The following TMEM132D variants were observed in gnomAD, a reference collection of about 807,000 sequenced individuals.
TMEM132D encodes the protein mature OL transmembrane protein.
Under a neutral mutation model 62.3 loss-of-function variants are expected in TMEM132D, and 21 were observed. That is an observed-to-expected ratio of 0.34 (90% CI 0.24 to 0.49). TMEM132D has a LOEUF of 0.49. TMEM132D is among the 20% of genes least tolerant of loss of function. The pLI is 0.99. For missense variants in TMEM132D, 1,346 were observed against 1,402.8 expected (o/e 0.96, Z 0.65); for synonymous variants, 621 against 575.6 (o/e 1.08, Z -1.13).
At chr12:129,412,750 G>A (rs1033132746) in intron 3 of TMEM132D, among the ~76,000 whole-genome samples, 1 of 152,166 alleles carries the variant, frequency 6.6e-6, no homozygotes, top group Non-Finnish European at 1.5e-5. Context: ...CTACTCAGGA[G>A]GCTGAGGCAG....
chr12:129,362,020 G>T (rs1265077342), intron 3 of TMEM132D, among the ~76,000 whole-genome samples: 1 of 152,126 alleles, frequency 6.6e-6, no homozygotes, highest in African/African-American at 2.4e-5. Context: ...ATTTTTCTGA[G>T]AGGTTGCTTC....
chr12:129,784,265 G>A (rs11836757), intron 1 of TMEM132D, among the ~76,000 whole-genome samples: 1,867 of 152,308 alleles, frequency 0.012, 31 homozygotes, highest in African/African-American at 0.043. Flanking sequence ...CTCTCTGAGT[G>A]GAGGAAGCTC....
intron 4 of TMEM132D, among the ~76,000 whole-genome samples, chr12:129,263,804 G>T (rs1401190323): frequency 2.0e-5 from 3 of 152,148 alleles, no homozygotes; most frequent in Non-Finnish European, 4.4e-5. Flanking sequence ...GACACCTGCA[G>T]TCAGGGTTCT....
intron 3 of TMEM132D, among the ~76,000 whole-genome samples, chr12:129,482,768 CTT>C: frequency 6.8e-6 from 1 of 146,940 alleles, no homozygotes. Flanking sequence ...AATACAACAT[CTT>C]TTTTTTTTTG....
intron 5 of TMEM132D, among the ~76,000 whole-genome samples, chr12:129,162,794 C>G (rs566902629): frequency 6.6e-6 from 1 of 152,212 alleles, no homozygotes; most frequent in African/African-American, 2.4e-5. Context: ...GCTTCCTGTA[C>G]GGCTTGCATA....
chr12:129,288,109 C>G (rs1478338560), intron 4 of TMEM132D, among the ~76,000 whole-genome samples: 2 of 152,160 alleles, frequency 1.3e-5, no homozygotes, highest in African/African-American at 4.8e-5. Flanking sequence ...TATCGTGCAC[C>G]ATGCACAACA....
intron 2 of TMEM132D, among the ~76,000 whole-genome samples, chr12:129,623,238 T>A (rs1879120708): frequency 6.6e-6 from 1 of 152,194 alleles, no homozygotes; most frequent in Non-Finnish European, 1.5e-5. Context: ...TTTAGCACTT[T>A]TTGTTACTGT....
chr12:129,207,495 C>T (rs1031953887), intron 5 of TMEM132D, among the ~76,000 whole-genome samples: 14 of 152,078 alleles, frequency 9.2e-5, no homozygotes, highest in African/African-American at 2.2e-4. Flanking sequence ...ATTTTGCTGA[C>T]GCTGCTCAGA....
intron 7 of TMEM132D, among the ~76,000 whole-genome samples, chr12:129,081,261 G>A (rs148066381): frequency 0.01 from 1,592 of 152,326 alleles, 19 homozygotes; most frequent in African/African-American, 0.036. Flanking sequence ...AGTAATATGT[G>A]AGGAATTTTG....
intron 3 of TMEM132D, among the ~76,000 whole-genome samples, chr12:129,391,759 CTTTT>C (rs1329922414): frequency 1.3e-5 from 2 of 152,062 alleles, no homozygotes; most frequent in Non-Finnish European, 2.9e-5. Context: ...ATCAGTATTT[CTTTT>C]TTTATTTTTT....
At position 129,158,260 on chromosome 12, in the gene TMEM132D, T is replaced by C. The variant is rs75885672; in HGVS notation, c.1443+51260A>G. Among the ~76,000 whole-genome samples the C allele has an allele frequency of 5.2e-3, 792 of 152,288 alleles. 22 individuals are homozygous for C. The highest frequency in any genetic ancestry group is 0.037 in the Admixed American group (567 of 15,298). On this transcript the variant is annotated intron_variant, in intron 5 of 8. Coordinates refer to ENST00000422113, the MANE Select transcript of TMEM132D (RefSeq NM_133448.3). ...ATGTACATTAGACCTAATGGCTGAC[T>C]CTGTGTTTGCACACACGTGTGCATG...
At chr12:129,076,986 T>G (rs1044626449) in intron 8 of TMEM132D, among the ~76,000 whole-genome samples, 2 of 152,212 alleles carry the variant, frequency 1.3e-5, no homozygotes, top group Non-Finnish European at 2.9e-5. Context: ...GAGGTTTGCT[T>G]TGGCCAAGAA....
intron 1 of TMEM132D, among the ~76,000 whole-genome samples, chr12:129,744,909 A>G (rs1006991705): frequency 6.6e-6 from 1 of 152,060 alleles, no homozygotes; most frequent in African/African-American, 2.4e-5. Context: ...TAATCCCCAC[A>G]TGTCAAGGGA....
Position 129,107,467 on chromosome 12 carries a change from G to C in TMEM132D, c.1444-22765C>G, listed in dbSNP as rs114957338. ...GAGAAAACATCTCTTCACAGTCATT[G>C]TAAATGATGCAGATTGAATGCAGGT... On this transcript the variant is annotated intron_variant, in intron 5 of 8. Transcript: ENST00000422113. Among the ~76,000 whole-genome samples, 640 of 152,328 alleles carry C rather than the reference G, an allele frequency of 4.2e-3. 5 individuals carry two copies. The highest frequency in any genetic ancestry group is 0.015 in the African/African-American group (626 of 41,570).
chr12:129,675,827 G>A (rs75032213), intron 2 of TMEM132D, among the ~76,000 whole-genome samples: 2,489 of 152,250 alleles, frequency 0.016, 65 homozygotes, highest in East Asian at 0.11. Flanking sequence ...CAGTGGTGCC[G>A]AGGTTGAGAA....
intron 5 of TMEM132D, among the ~76,000 whole-genome samples, chr12:129,169,928 A>G (rs1270574892): frequency 6.6e-6 from 1 of 152,220 alleles, no homozygotes; most frequent in Non-Finnish European, 1.5e-5. Flanking sequence ...TATGTTACTT[A>G]TATTTTCTAA....
At chr12:129,456,315 A>G (rs1367529201) in intron 3 of TMEM132D, among the ~76,000 whole-genome samples, 2 of 152,124 alleles carry the variant, frequency 1.3e-5, no homozygotes, top group Non-Finnish European at 2.9e-5. Context: ...TGCTGTTACC[A>G]CCAATTTTAT....
At chr12:129,694,747 G>A (rs1881155406) in intron 2 of TMEM132D, among the ~76,000 whole-genome samples, 1 of 152,172 alleles carries the variant, frequency 6.6e-6, no homozygotes, top group Admixed American at 6.5e-5. Context: ...AGTGGCTCAC[G>A]CCTGTAATCC....
chr12:129,099,101 G>A (rs543097851), intron 5 of TMEM132D, among the ~76,000 whole-genome samples: 11 of 152,256 alleles, frequency 7.2e-5, no homozygotes, highest in African/African-American at 2.6e-4. Flanking sequence ...TTCCTGCTGT[G>A]CAGGCCCTAC....
Sources: gnomAD v4.1 joint callset for allele counts (sites outside exome capture counted in the v4.1 genomes callset) on GRCh38, gnomAD v4.1.1 for gene constraint, MANE v1.5 for transcripts, NCBI Gene and HGNC (gene_info 2026-07-23, HGNC 2026-07-21) for gene names.